MAGI1: variants seen among roughly 807,000 people sequenced by gnomAD.
The protein encoded by MAGI1 is membrane-associated guanylate kinase, WW and PDZ domain-containing protein 1.
A neutral mutation model predicts 139.9 loss-of-function variants in MAGI1; 58 were observed. The ratio of observed to expected loss-of-function variants is 0.41; its 90% CI spans 0.34 to 0.52. The LOEUF (loss-of-function observed/expected upper bound fraction) is 0.52, where lower values mean the gene tolerates loss of function less well. Among genes scored for constraint, MAGI1 ranks in the 20% least tolerant of loss-of-function variants. The probability of loss-of-function intolerance (pLI) is 0.12; values close to 1 mark genes in which losing one functional copy is unlikely to be tolerated. For missense variants in MAGI1, 1,874 were observed against 1,901.6 expected (o/e 0.99, Z 0.27); for synonymous variants, 812 against 737.9 (o/e 1.10, Z -1.63).
chr3:65,507,456 G>A (rs1348863802), intron 2 of MAGI1, among the ~76,000 whole-genome samples: 1 of 152,184 alleles, frequency 6.6e-6, no homozygotes, highest in African/African-American at 2.4e-5. Flanking sequence ...GTGTTAGCCT[G>A]GTCATAATAT....
chr3:65,644,506 A>C (rs2085154198), intron 1 of MAGI1, among the ~76,000 whole-genome samples: 1 of 151,982 alleles, frequency 6.6e-6, no homozygotes, highest in African/African-American at 2.4e-5. Flanking sequence ...GGCTACAGTA[A>C]GCAGTGATCG....
At chr3:65,444,968 TG>T (rs2107452586) in intron 7 of MAGI1, among the ~76,000 whole-genome samples, 1 of 152,356 alleles carries the variant, frequency 6.6e-6, no homozygotes, top group East Asian at 1.9e-4. Context: ...GGAAGATGGT[TG>T]TCCTAGAATT....
intron 1 of MAGI1, among the ~76,000 whole-genome samples, chr3:65,971,141 T>C (rs2064996641): frequency 6.6e-6 from 1 of 152,206 alleles, no homozygotes; most frequent in South Asian, 2.1e-4. Flanking sequence ...AGGTAGAGGC[T>C]GCAGTTAGCC....
intron 1 of MAGI1, among the ~76,000 whole-genome samples, chr3:66,026,245 C>T (rs753245480): frequency 1.1e-4 from 17 of 152,004 alleles, no homozygotes; most frequent in Admixed American, 7.9e-4. Context: ...AAGCAACAGG[C>T]GCAAGCAGAT....
chr3:65,548,027 C>G (rs529958264), intron 2 of MAGI1, among the ~76,000 whole-genome samples: 3 of 152,158 alleles, frequency 2.0e-5, no homozygotes, highest in Non-Finnish European at 4.4e-5. Context: ...CCCAGAGCTC[C>G]TCAAGCAAAG....
chr3:65,637,981 G>C (rs2084743344), intron 1 of MAGI1, among the ~76,000 whole-genome samples: 1 of 152,140 alleles, frequency 6.6e-6, no homozygotes, highest in African/African-American at 2.4e-5. Flanking sequence ...TACAGGAGGA[G>C]CTGGCATAGA....
At chr3:65,600,523 G>A (rs2082429580) in intron 2 of MAGI1, among the ~76,000 whole-genome samples, 1 of 152,194 alleles carries the variant, frequency 6.6e-6, no homozygotes, top group Admixed American at 6.5e-5. Context: ...CCCAGCTTGT[G>A]TGGTCTCCAG....
chr3:65,657,414 G>A (rs1361620566), intron 1 of MAGI1, among the ~76,000 whole-genome samples: 1 of 146,650 alleles, frequency 6.8e-6, no homozygotes, highest in Non-Finnish European at 1.5e-5. Context: ...GGGCAAAACA[G>A]TGAGACCCCC....
At chr3:65,383,747 G>C in intron 14 of MAGI1, 124 bp from the exon 15 acceptor site, 1 of 702,826 alleles carries the variant, frequency 1.4e-6, no homozygotes, top group Non-Finnish European at 2.5e-6. Context: ...TTTCAATATA[G>C]GCAAAGAAAC....
chr3:65,428,784 T>C (rs922787468), intron 12 of MAGI1, among the ~76,000 whole-genome samples: 2 of 152,122 alleles, frequency 1.3e-5, no homozygotes, highest in African/African-American at 4.8e-5. Context: ...ATCAAGGTTA[T>C]GAAAAACTGT....
chr3:65,759,995 G>C (rs1577027863), intron 1 of MAGI1, among the ~76,000 whole-genome samples: 1 of 152,134 alleles, frequency 6.6e-6, no homozygotes, highest in African/African-American at 2.4e-5. Flanking sequence ...AAAAATTGGA[G>C]AGCACGAAAG....
rs147121406 is a variant in MAGI1 at position 65,566,575 on chromosome 3, T to C, written c.430+55397A>G. On this transcript the variant is annotated intron_variant, in intron 2 of 22. Coordinates refer to ENST00000402939, the MANE Select transcript of MAGI1 (RefSeq NM_001033057.2). Reference sequence around the variant, plus strand: ...AGTTAAGGCTTTGTCTAAGGTGGCATACATACTCAGAAGTCAGTTTTCCCA... The same window carrying C: ...AGTTAAGGCTTTGTCTAAGGTGGCACACATACTCAGAAGTCAGTTTTCCCA... 3.7e-3 allele frequency among the ~76,000 whole-genome samples: 569 copies of C among 152,286 alleles called. 4 individuals carry two copies. Among genetic ancestry groups the C allele is most frequent in the African/African-American group, 0.013 (547 of 41,564 alleles).
chr3:65,454,653 T>C (rs952023019), intron 5 of MAGI1, among the ~76,000 whole-genome samples: 17 of 151,150 alleles, frequency 1.1e-4, no homozygotes, highest in Non-Finnish European at 1.8e-4. Flanking sequence ...ATTTCGGTTG[T>C]AAATTTGGGA....
At chr3:65,384,409 T>G (rs536316492) in intron 14 of MAGI1, among the ~76,000 whole-genome samples, 1 of 152,152 alleles carries the variant, frequency 6.6e-6, no homozygotes, top group Admixed American at 6.5e-5. Context: ...GGCATTTGCA[T>G]TGTATTAGAT....
intron 1 of MAGI1, among the ~76,000 whole-genome samples, chr3:65,916,041 T>A (rs1209729244): frequency 6.7e-6 from 1 of 148,266 alleles, no homozygotes; most frequent in Non-Finnish European, 1.5e-5. Flanking sequence ...ATACACAGTA[T>A]ATTATATATA....
At chr3:65,474,628 C>T (rs979742940) in intron 4 of MAGI1, among the ~76,000 whole-genome samples, 3 of 151,922 alleles carry the variant, frequency 2.0e-5, no homozygotes, top group Admixed American at 2.0e-4. Context: ...CACACACACA[C>T]ACACATGCAC....
At chr3:65,910,052 T>A (rs2061594929) in intron 1 of MAGI1, among the ~76,000 whole-genome samples, 1 of 152,300 alleles carries the variant, frequency 6.6e-6, no homozygotes, top group South Asian at 2.1e-4. Flanking sequence ...CAGGCAGTAA[T>A]GCTCACTTGC....
At chr3:65,440,582 G>C (rs1233925277) in intron 8 of MAGI1, among the ~76,000 whole-genome samples, 1 of 152,138 alleles carries the variant, frequency 6.6e-6, no homozygotes, top group African/African-American at 2.4e-5. Flanking sequence ...AGGGTTCACA[G>C]AAGCATAAGC....
At chr3:65,687,383 C>T (rs542136007) in intron 1 of MAGI1, 3 of 337,582 alleles carry the variant, frequency 8.9e-6, no homozygotes, top group African/African-American at 2.2e-5. Context: ...GCCCTTTGTA[C>T]CACATATCCC....
Sources: gnomAD v4.1 joint callset for allele counts (sites outside exome capture counted in the v4.1 genomes callset) on GRCh38, gnomAD v4.1.1 for gene constraint, MANE v1.5 for transcripts, NCBI Gene and HGNC (gene_info 2026-07-23, HGNC 2026-07-21) for gene names.